Variants in C1QL1 observed in about 807,000 individuals in gnomAD.
The protein encoded by C1QL1 is complement C1q like 1, also known as C1q-related factor.
C1QL1 carries 15 observed loss-of-function variants against 14.2 expected under a neutral mutation model. That is an observed-to-expected ratio of 1.06 (90% CI 0.71 to 1.62). The LOEUF (loss-of-function observed/expected upper bound fraction) is 1.62. Among genes scored for constraint, C1QL1 ranks in the 40% most tolerant of loss-of-function variants. The probability of loss-of-function intolerance (pLI) is 0.00; values close to 1 mark genes in which losing one functional copy is unlikely to be tolerated. For synonymous variants in C1QL1, 172 were observed against 172.4 expected, an observed-to-expected ratio of 1.00 and a Z score of 0.02; for missense variants, 346 against 380.3, an observed-to-expected ratio of 0.91 and a Z score of 0.75.
intron 1 of C1QL1, among the ~76,000 whole-genome samples, chr17:44,966,217 G>T (rs1275640241): frequency 6.6e-6 from 1 of 152,202 alleles, no homozygotes; most frequent in African/African-American, 2.4e-5. Flanking sequence ...GGAAAGAGAA[G>T]AAGGGCTGAC....
chr17:44,966,969 G>T (rs999343437), intron 1 of C1QL1, among the ~76,000 whole-genome samples: 2 of 152,026 alleles, frequency 1.3e-5, no homozygotes, highest in Admixed American at 1.3e-4. Context: ...CTTTGCCTTT[G>T]TGCCCCAAAC....
chr17:44,968,034 C>T lies in C1QL1; in HGVS notation c.15G>A (p.Leu5=), dbSNP rs1050314864. ...TCACCAGCACGGGGATGAGCACCAC[C>T]AGCACCAGCAGCATCACCACACCCG... MLLV[L]VVLIPVLVSS... is the part of the protein sequence containing the mutation. The change falls in exon 1 of 2, where the codon CTG becomes CTA. Residue 5 remains leucine, a synonymous_variant. Coordinates refer to ENST00000253407, the MANE Select transcript of C1QL1 (RefSeq NM_006688.5). 1.5e-6 allele frequency: 2 copies of T among 1,348,976 alleles called. No individual in the cohort carries two copies. The highest frequency in any genetic ancestry group is 3.0e-5 in the African/African-American group (2 of 65,898). 83.6% of individuals were successfully genotyped at this position (1,348,976 alleles called of 1,614,324 possible). A position where few individuals can be genotyped will look rare whatever the true frequency, so the allele number is the denominator to read the frequency against.
chr17:44,964,739 C>G (rs1363106422), intron 1 of C1QL1, among the ~76,000 whole-genome samples: 1 of 152,246 alleles, frequency 6.6e-6, no homozygotes, highest in Admixed American at 6.5e-5. Context: ...TCAAATGAGT[C>G]TCTTGGGCAA....
Position 44,965,800 on chromosome 17 carries a change from T to G in C1QL1, c.597+1652A>C, listed in dbSNP as rs144944566. Among the ~76,000 whole-genome samples, 182 of 152,274 alleles carry G rather than the reference T, an allele frequency of 1.2e-3. 1 individual carries two copies. Among genetic ancestry groups the G allele is most frequent in the African/African-American group, 4.2e-3 (176 of 41,556 alleles). On this transcript the variant is annotated intron_variant, in intron 1 of 1. Transcript: ENST00000253407. ...CCTCCCTATCCAGGCAAGCTGCCAA[T>G]CCCCTGAAACCTCAGCTCTGTGTCA...
chr17:44,963,582 C>G (rs2052639921), intron 1 of C1QL1, among the ~76,000 whole-genome samples: 2 of 152,000 alleles, frequency 1.3e-5, no homozygotes, highest in African/African-American at 4.8e-5. Flanking sequence ...ACCACCACAC[C>G]CGGCTATGTT....
chr17:44,962,878 C>T (rs1320593426), intron 1 of C1QL1, among the ~76,000 whole-genome samples: 2 of 152,186 alleles, frequency 1.3e-5, no homozygotes, highest in Admixed American at 1.3e-4. Context: ...ATTATTTATT[C>T]ATCACCATGA....
At chr17:44,965,677 T>C (rs140881838) in intron 1 of C1QL1, among the ~76,000 whole-genome samples, 41 of 152,330 alleles carry the variant, frequency 2.7e-4, no homozygotes, top group South Asian at 8.3e-4. Flanking sequence ...TCTAAGCACA[T>C]AGCATCTCCG....
chr17:44,967,569 G>C lies in C1QL1; in HGVS notation c.480C>G (p.Asp160Glu). The change falls in exon 1 of 2, where the codon GAC becomes GAG. Residue 160 changes from aspartate (D) to glutamate (E), a missense_variant. By Grantham distance (45) the Asp-to-Glu change is conservative. Coordinates refer to ENST00000253407, the MANE Select transcript of C1QL1 (RefSeq NM_006688.5). The surrounding 1 kb of genome is among the most constrained non-coding windows in gnomAD (Gnocchi z 7.0). ...TGCACGTAAACTTGCCGCTGGCCGCGTCGTAGTTGTTGCCTAGGTTGGTGA... is the reference window on the plus strand; with the variant it reads ...TGCACGTAAACTTGCCGCTGGCCGCCTCGTAGTTGTTGCCTAGGTTGGTGA... ...DVVTNLGNNYDAASGKFTCNI... is the reference protein window; with the variant it reads ...DVVTNLGNNYEAASGKFTCNI... 3 of 1,614,136 alleles carry C rather than the reference G, an allele frequency of 1.9e-6. No individual in the cohort carries two copies. Among genetic ancestry groups the C allele is most frequent in the Non-Finnish European group, 2.5e-6 (3 of 1,179,956 alleles).
Position 44,967,913 on chromosome 17 carries a change from T to C in C1QL1, c.136A>G (p.Thr46Ala). 8.0e-7 allele frequency: 1 copy of C among 1,253,732 alleles called. No homozygotes were observed. Among genetic ancestry groups the C allele is most frequent in the East Asian group, 3.2e-5 (1 of 31,424 alleles). 77.7% of individuals were successfully genotyped at this position (1,253,732 alleles called of 1,614,324 possible). Residue 46 changes from threonine (T) to alanine (A), a missense_variant, in exon 1 of 2, where the codon ACC becomes GCC. Coordinates refer to ENST00000253407, the MANE Select transcript of C1QL1 (RefSeq NM_006688.5). This position sits in a 1 kb window ranked among gnomAD's most constrained non-coding sequence, Gnocchi z 7.0. The part of the protein sequence containing the change: ...PARGPGAGAR[T>A]DGGDALSEQS... ...TCGCTCAGGGCGTCGCCGCCGTCGG[T>C]CCGCGCGCCGGCGCCGGGGCCCCGC...
chr17:44,963,404 G>A (rs2052638467), intron 1 of C1QL1, among the ~76,000 whole-genome samples: 1 of 152,104 alleles, frequency 6.6e-6, no homozygotes, highest in Non-Finnish European at 1.5e-5. Flanking sequence ...CCACCACCAG[G>A]GGAGAGGCTG....
intron 1 of C1QL1, among the ~76,000 whole-genome samples, chr17:44,963,584 G>A (rs1444699504): frequency 1.2e-4 from 18 of 151,880 alleles, no homozygotes; most frequent in Admixed American, 9.2e-4. Context: ...CACCACACCC[G>A]GCTATGTTTT....
At position 44,961,827 on chromosome 17, in the gene C1QL1, A is replaced by C. The variant is rs2052628574; in HGVS notation, c.598-1460T>G. 2.7e-5 allele frequency among the ~76,000 whole-genome samples: 4 copies of C among 145,524 alleles called. No individual in the cohort carries two copies. The Admixed American group carries it at 2.8e-4, about 10-fold the overall frequency. Reference sequence around the variant, plus strand: ...CGTGAACCCGGGAAGCGGAGCTTGCAGTGAGCCGAGATTGCGCCACTGCAG... The same window carrying C: ...CGTGAACCCGGGAAGCGGAGCTTGCCGTGAGCCGAGATTGCGCCACTGCAG... On this transcript the variant is annotated intron_variant, in intron 1 of 1. Coordinates refer to ENST00000253407, the MANE Select transcript of C1QL1 (RefSeq NM_006688.5).
intron 1 of C1QL1, among the ~76,000 whole-genome samples, chr17:44,960,872 C>A (rs1251774357): frequency 1.3e-5 from 2 of 152,348 alleles, no homozygotes; most frequent in Non-Finnish European, 2.9e-5. Flanking sequence ...GCAGCTGGAC[C>A]AATGCCAGGC....
At position 44,967,815 on chromosome 17, in the gene C1QL1, G is replaced by T. The variant is rs770976168; in HGVS notation, c.234C>A (p.Pro78=). ...GGTCCCCGGGAGGCCCCGGAGGGCC[G>T]GGCTTGCCGGTGCGGCCCGGCTTCC... ...PQGKPGRTGK[P]GPPGPPGDPG... The change falls in exon 1 of 2, where the codon CCC becomes CCA. Residue 78 remains proline, a synonymous_variant. Coordinates refer to ENST00000253407, the MANE Select transcript of C1QL1 (RefSeq NM_006688.5). This position sits in a 1 kb window ranked among gnomAD's most constrained non-coding sequence, Gnocchi z 7.0. The T allele has an allele frequency of 2.3e-5, 33 of 1,405,018 alleles. No individual in the cohort carries two copies. In the South Asian group the frequency reaches 4.9e-4, roughly 21 times the overall value. 87.0% of individuals were successfully genotyped at this position (1,405,018 alleles called of 1,614,324 possible).
At position 44,959,983 on chromosome 17, in the gene C1QL1, G is replaced by C; in HGVS notation, c.*205C>G. The C allele has an allele frequency of 1.7e-6, 1 of 571,698 alleles. No individual in the cohort carries two copies. Among genetic ancestry groups the C allele is most frequent in the Non-Finnish European group, 3.1e-6 (1 of 323,860 alleles). The allele number at this position is 571,698 out of a possible 1,614,324, so 35.4% of individuals were successfully genotyped here. ...CGGTCAACCCCGGTTCCCTGGCACG[G>C]GGACAGGGCGCGCTGGGCCCGGCTC... On this transcript the variant is annotated 3_prime_UTR_variant, in exon 2 of 2. Transcript: ENST00000253407.
chr17:44,967,539 A>G lies in C1QL1; in HGVS notation c.510T>C (p.Ile170=), dbSNP rs748894893. 1.9e-5 allele frequency: 31 copies of G among 1,614,064 alleles called. No individual in the cohort carries two copies. Among genetic ancestry groups the G allele is most frequent in the Non-Finnish European group, 2.5e-5 (30 of 1,179,932 alleles). ...DAASGKFTCN[I]PGTYFFTYHV... The stretch of plus-strand genomic sequence containing the variant: ...GGTAGGTGAAAAAGTAGGTGCCGGG[A>G]ATGTTGCACGTAAACTTGCCGCTGG... The change falls in exon 1 of 2, where the codon ATT becomes ATC. Residue 170 remains isoleucine, a synonymous_variant. Coordinates refer to ENST00000253407, the MANE Select transcript of C1QL1 (RefSeq NM_006688.5). The surrounding 1 kb of genome is among the most constrained non-coding windows in gnomAD (Gnocchi z 7.0).
At position 44,967,419 on chromosome 17, in the gene C1QL1, C is replaced by A. The variant is rs752464095; in HGVS notation, c.597+33G>T. The A allele has an allele frequency of 6.2e-7, 1 of 1,602,886 alleles. No individual in the cohort carries two copies. The highest frequency in any genetic ancestry group is 2.2e-5 in the East Asian group (1 of 44,650). On this transcript the variant is annotated intron_variant, in intron 1 of 1. Coordinates refer to ENST00000253407, the MANE Select transcript of C1QL1 (RefSeq NM_006688.5). The surrounding 1 kb of genome is among the most constrained non-coding windows in gnomAD (Gnocchi z 7.0). ...CCCCGGGCTCCCTGGGTGCCCTGGGCCCAGCCCAGCCCCATGCCCCCGCCT... is the reference window on the plus strand; with the variant it reads ...CCCCGGGCTCCCTGGGTGCCCTGGGACCAGCCCAGCCCCATGCCCCCGCCT...
In C1QL1 at chr17:44,967,375, C is replaced by G; in HGVS notation, c.597+77G>C. 1 of 1,461,348 alleles carries G rather than the reference C, an allele frequency of 6.8e-7. No individual in the cohort carries two copies. Among genetic ancestry groups the G allele is most frequent in the Non-Finnish European group, 9.3e-7 (1 of 1,073,112 alleles). The allele number at this position is 1,461,348 out of a possible 1,614,324, so 90.5% of individuals were successfully genotyped here. On this transcript the variant is annotated intron_variant, in intron 1 of 1. Coordinates refer to ENST00000253407, the MANE Select transcript of C1QL1 (RefSeq NM_006688.5). This position sits in a 1 kb window ranked among gnomAD's most constrained non-coding sequence, Gnocchi z 7.0. ...CGTCCGCCTGGCGCCCCCGCCAACT[C>G]CGATCAGGTACCCATTTGCCCCGGG...
At chr17:44,966,168 A>C (rs778606932) in intron 1 of C1QL1, among the ~76,000 whole-genome samples, 1 of 152,208 alleles carries the variant, frequency 6.6e-6, no homozygotes, top group Non-Finnish European at 1.5e-5. Flanking sequence ...AGAGGCAGAA[A>C]CCAGAGAAAA....
Sources: allele counts gnomAD v4.1 joint callset (sites outside exome capture counted in the v4.1 genomes callset), GRCh38; gene constraint gnomAD v4.1.1; non-coding constraint Gnocchi (gnomAD v3.1); transcripts MANE v1.5; gene names NCBI Gene and HGNC (gene_info 2026-07-23, HGNC 2026-07-21).